LDLRAD4: variants seen among roughly 807,000 people sequenced by gnomAD.
The protein encoded by LDLRAD4 is low density lipoprotein receptor class A domain containing 4.
In LDLRAD4, 5 loss-of-function variants were observed where a neutral mutation model predicts 17.0. The observed-to-expected ratio is 0.29, with a 90% CI of 0.15 to 0.62. The LOEUF is 0.62. Ranked by LOEUF, LDLRAD4 falls within the 20% of genes least tolerant of loss-of-function variation. The pLI is 0.84. For synonymous variants in LDLRAD4, 168 were observed against 171.8 expected (o/e 0.98, Z 0.17); for missense variants, 340 against 424.7 (o/e 0.80, Z 1.75).
At chr18:13,508,136 C>T (rs149114693) in intron 3 of LDLRAD4, among the ~76,000 whole-genome samples, 4 of 152,208 alleles carry the variant, frequency 2.6e-5, no homozygotes, top group Non-Finnish European at 5.9e-5. Flanking sequence ...TCCCTTAAGA[C>T]AAAGCCTAAT....
At chr18:13,465,309 T>C (rs920164169) in intron 3 of LDLRAD4, among the ~76,000 whole-genome samples, 2 of 152,250 alleles carry the variant, frequency 1.3e-5, no homozygotes, top group Non-Finnish European at 2.9e-5. Context: ...TCATTGATTC[T>C]GAAGGTCAGA....
At chr18:13,340,733 A>G (rs1244844214) in intron 1 of LDLRAD4, among the ~76,000 whole-genome samples, 1 of 152,114 alleles carries the variant, frequency 6.6e-6, no homozygotes, top group Non-Finnish European at 1.5e-5. Context: ...CTTAATTTTG[A>G]TGAAGTTCAG....
rs1201650692 is a variant in LDLRAD4, at chr18:13,622,711, G to A, written c.336+1440G>A. On this transcript the variant is annotated intron_variant, in intron 4 of 5. Coordinates refer to ENST00000359446, the Ensembl canonical transcript of LDLRAD4. The surrounding 1 kb of genome is among the most constrained non-coding windows in gnomAD (Gnocchi z 5.3). ...CTGAAGTTCTAAACACACAGTGTAT[G>A]GGATTCACCTGTGTTTTGAGAGAGG... Among the ~76,000 whole-genome samples the A allele has an allele frequency of 6.6e-6, 1 of 152,212 alleles. No homozygotes were observed. The highest frequency in any genetic ancestry group is 1.5e-5 in the Non-Finnish European group (1 of 68,042).
At chr18:13,641,586 C>T (rs968195058) in intron 4 of LDLRAD4, among the ~76,000 whole-genome samples, 57 of 152,326 alleles carry the variant, frequency 3.7e-4, no homozygotes, top group African/African-American at 1.2e-3. Context: ...GGAGGGAGGC[C>T]GGGGCCTGTG....
chr18:13,438,108 C>T, intron 2 of LDLRAD4, 136 bp from the exon 4 acceptor site: 5 of 778,448 alleles, frequency 6.4e-6, no homozygotes, highest in South Asian at 6.4e-5. Context: ...AGTTTAGTGT[C>T]CTGGGCTCTC....
intron 2 of LDLRAD4, among the ~76,000 whole-genome samples, chr18:13,414,339 C>T (rs1186743560): frequency 6.6e-6 from 1 of 152,212 alleles, no homozygotes; most frequent in East Asian, 1.9e-4. Context: ...TACTGATACC[C>T]ACCTCATTGC....
chr18:13,225,043 C>T (rs1039736073), intron 1 of LDLRAD4, among the ~76,000 whole-genome samples: 1 of 151,762 alleles, frequency 6.6e-6, no homozygotes, highest in South Asian at 2.1e-4. Context: ...GTCATGTTGG[C>T]CAGGCTGGTT....
intron 3 of LDLRAD4, among the ~76,000 whole-genome samples, chr18:13,542,069 C>T (rs1166445345): frequency 6.6e-6 from 1 of 152,098 alleles, no homozygotes; most frequent in African/African-American, 2.4e-5. Context: ...GAGTAAGACC[C>T]TGATTCTAAA....
intron 1 of LDLRAD4, among the ~76,000 whole-genome samples, chr18:13,333,080 T>C (rs1300205872): frequency 6.6e-6 from 1 of 152,204 alleles, no homozygotes; most frequent in African/African-American, 2.4e-5. Context: ...CAGCTTTTGG[T>C]ATTGTCAGTG....
chr18:13,602,826 T>C (rs1470780700), intron 3 of LDLRAD4, among the ~76,000 whole-genome samples: 1 of 152,114 alleles, frequency 6.6e-6, no homozygotes, highest in Non-Finnish European at 1.5e-5. Context: ...TCAGTACTTT[T>C]TCAAGTCACA....
intron 1 of LDLRAD4, among the ~76,000 whole-genome samples, chr18:13,351,796 C>T (rs536726634): frequency 4.6e-5 from 7 of 152,114 alleles, no homozygotes; most frequent in Non-Finnish European, 8.8e-5. Flanking sequence ...CAAAACTTGG[C>T]AGAGACACAA....
chr18:13,394,281 C>T (rs1325543092), intron 2 of LDLRAD4, among the ~76,000 whole-genome samples: 1 of 152,020 alleles, frequency 6.6e-6, no homozygotes, highest in Non-Finnish European at 1.5e-5. Context: ...CCTGGTAAAC[C>T]ATTCTATACT....
At chr18:13,294,339 G>A (rs2046147510) in intron 1 of LDLRAD4, among the ~76,000 whole-genome samples, 1 of 152,236 alleles carries the variant, frequency 6.6e-6, no homozygotes, top group Admixed American at 6.5e-5. Flanking sequence ...CAGCCGGTGT[G>A]CGGAAGCGTT....
At chr18:13,243,292 G>A (rs903840738) in intron 1 of LDLRAD4, among the ~76,000 whole-genome samples, 4 of 152,182 alleles carry the variant, frequency 2.6e-5, no homozygotes, top group African/African-American at 7.2e-5. Context: ...CCTTGGGCAC[G>A]TCACTAACTT....
chr18:13,317,229 T>C (rs1260766161), intron 1 of LDLRAD4, among the ~76,000 whole-genome samples: 1 of 152,124 alleles, frequency 6.6e-6, no homozygotes, highest in Non-Finnish European at 1.5e-5. Context: ...AGGCAGGGTC[T>C]ATAGCCACAA....
At chr18:13,447,503 A>G (rs1265892524) in intron 3 of LDLRAD4, among the ~76,000 whole-genome samples, 2 of 152,238 alleles carry the variant, frequency 1.3e-5, no homozygotes, top group Admixed American at 6.5e-5. Flanking sequence ...AACCTTAGGC[A>G]TCATTTCCTC....
chr18:13,511,446 A>C (rs2093776889), intron 3 of LDLRAD4, among the ~76,000 whole-genome samples: 1 of 152,268 alleles, frequency 6.6e-6, no homozygotes, highest in South Asian at 2.1e-4. Flanking sequence ...CGGGAGGAGG[A>C]GGTTGTAGTG....
intron 2 of LDLRAD4, among the ~76,000 whole-genome samples, chr18:13,416,853 C>G (rs2088945437): frequency 6.6e-6 from 1 of 152,198 alleles, no homozygotes; most frequent in East Asian, 1.9e-4. Flanking sequence ...TTATAGCATA[C>G]ACTTACATAA....
intron 1 of LDLRAD4, among the ~76,000 whole-genome samples, chr18:13,263,229 G>T (rs1288807801): frequency 1.3e-5 from 2 of 149,708 alleles, no homozygotes; most frequent in Non-Finnish European, 3.0e-5. Context: ...TGTGCGTGGG[G>T]GCTGAGTCCC....
Sources: gnomAD v4.1 joint callset for allele counts (sites outside exome capture counted in the v4.1 genomes callset) on GRCh38, gnomAD v4.1.1 for gene constraint, Gnocchi (gnomAD v3.1) non-coding constraint, MANE v1.5 for transcripts, NCBI Gene and HGNC (gene_info 2026-07-23, HGNC 2026-07-21) for gene names.